Variants in UBE2W observed in about 807,000 individuals in gnomAD.
UBE2W encodes ubiquitin conjugating enzyme E2 W.
Under a neutral mutation model 27.2 loss-of-function variants are expected in UBE2W, and 18 were observed. That is an observed-to-expected ratio of 0.66 (90% CI 0.46 to 0.98). The LOEUF is 0.98. Ranked by LOEUF, UBE2W falls within the 50% of genes least tolerant of loss-of-function variation. The pLI is 0.00. For missense variants in UBE2W, 90 were observed against 180.2 expected (o/e 0.50, Z 2.87); for synonymous variants, 53 against 57.2 (o/e 0.93, Z 0.33).
At chr8:73,797,848 G>A (rs921233934) in intron 5 of UBE2W, among the ~76,000 whole-genome samples, 47 of 152,142 alleles carry the variant, frequency 3.1e-4, no homozygotes, top group African/African-American at 1.1e-3. Context: ...CAACAAACAG[G>A]AGCCTTAAGT....
At chr8:73,799,010 C>G (rs1808532505) in intron 5 of UBE2W, among the ~76,000 whole-genome samples, 1 of 151,996 alleles carries the variant, frequency 6.6e-6, no homozygotes, top group Non-Finnish European at 1.5e-5. Context: ...ACTGCCTTAA[C>G]TGGCAATGAA....
chr8:73,847,004 C>T (rs1204567354), intron 1 of UBE2W, among the ~76,000 whole-genome samples: 3 of 152,088 alleles, frequency 2.0e-5, no homozygotes, highest in African/African-American at 4.8e-5. Flanking sequence ...CCCATTTCTA[C>T]TAAAAATACA....
At chr8:73,818,462 G>A (rs764197050) in intron 3 of UBE2W, among the ~76,000 whole-genome samples, 5 of 152,052 alleles carry the variant, frequency 3.3e-5, no homozygotes, top group African/African-American at 7.2e-5. Flanking sequence ...GGACTATATC[G>A]TTCCTCTGCT....
intron 1 of UBE2W, among the ~76,000 whole-genome samples, chr8:73,873,052 C>A (rs1015750792): frequency 6.6e-6 from 1 of 151,970 alleles, no homozygotes; most frequent in South Asian, 2.1e-4. Context: ...ATTACAGATG[C>A]GCTCTACCAC....
At chr8:73,808,224 T>G (rs1809001354) in intron 4 of UBE2W, among the ~76,000 whole-genome samples, 1 of 151,864 alleles carries the variant, frequency 6.6e-6, no homozygotes, top group Non-Finnish European at 1.5e-5. Flanking sequence ...TGTAGATGGG[T>G]ATTTAAAATA....
Position 73,788,405 on chromosome 8 carries a change from G to A in UBE2W, c.*5697C>T, listed in dbSNP as rs1808052028. On this transcript the variant is annotated 3_prime_UTR_variant, in exon 6 of 6. Transcript: ENST00000602593. ...AGTTCTGAATAATAAAAGGAAAATGGCACCAACTAAAACAAACAAATTCAT... is the reference window on the plus strand; with the variant it reads ...AGTTCTGAATAATAAAAGGAAAATGACACCAACTAAAACAAACAAATTCAT... 3 of 985,270 alleles carry A rather than the reference G, an allele frequency of 3.0e-6. No homozygotes were observed. The highest frequency in any genetic ancestry group is 3.6e-6 in the Non-Finnish European group (3 of 829,912). 61.0% of individuals were successfully genotyped at this position (985,270 alleles called of 1,614,324 possible). A position where few individuals can be genotyped will look rare whatever the true frequency, so the allele number is the denominator to read the frequency against.
intron 1 of UBE2W, among the ~76,000 whole-genome samples, chr8:73,851,052 T>C (rs567056797): frequency 1.3e-5 from 2 of 152,112 alleles, no homozygotes; most frequent in African/African-American, 4.8e-5. Flanking sequence ...GATTGCGCCA[T>C]GTTGCCCAGG....
chr8:73,870,340 A>C (rs1168492390), intron 1 of UBE2W: 1 of 1,551,346 alleles, frequency 6.4e-7, no homozygotes, highest in African/African-American at 1.4e-5. Flanking sequence ...ACACATGGTC[A>C]TAAAGGAAAT....
intron 1 of UBE2W, among the ~76,000 whole-genome samples, chr8:73,865,128 A>G (rs1811693317): frequency 7.6e-6 from 1 of 132,142 alleles, no homozygotes; most frequent in African/African-American, 2.8e-5. Context: ...CTCAGCTGGG[A>G]GTGTGTGCAT....
intron 1 of UBE2W, among the ~76,000 whole-genome samples, chr8:73,859,608 T>C (rs1421318392): frequency 1.3e-5 from 2 of 152,210 alleles, no homozygotes; most frequent in Non-Finnish European, 2.9e-5. Context: ...AAATATGTGT[T>C]AATCAACTGT....
chr8:73,840,120 G>A (rs142753995), intron 1 of UBE2W, among the ~76,000 whole-genome samples: 3,246 of 151,550 alleles, frequency 0.021, 120 homozygotes, highest in African/African-American at 0.075. Flanking sequence ...GCAGTGGTGC[G>A]ATCTCGGCTC....
downstream of UBE2W, among the ~76,000 whole-genome samples, chr8:73,783,675 C>A (rs1807884226): frequency 6.6e-6 from 1 of 152,222 alleles, no homozygotes. Flanking sequence ...ATTCTCCAGA[C>A]TACAGCCAAG....
At chr8:73,804,217 C>T (rs372589911) in intron 5 of UBE2W, among the ~76,000 whole-genome samples, 19 of 150,284 alleles carry the variant, frequency 1.3e-4, no homozygotes, top group South Asian at 4.2e-4. Flanking sequence ...ATAGAAGATA[C>T]GGGGAGAAGG....
intron 1 of UBE2W, 32 bp downstream of exon 1, chr8:73,878,776 T>C (rs1053548282): frequency 6.5e-7 from 1 of 1,531,276 alleles, no homozygotes. Context: ...GGCGGCTCCC[T>C]GGCCCGCCCA....
At chr8:73,811,624 T>C (rs1285481774) in intron 3 of UBE2W, among the ~76,000 whole-genome samples, 5 of 152,124 alleles carry the variant, frequency 3.3e-5, no homozygotes, top group African/African-American at 9.6e-5. Context: ...CAAATTCAAG[T>C]GTCCTGCTTT....
At chr8:73,786,183 G>T, downstream of UBE2W, 11 of 976,286 alleles carry the variant, frequency 1.1e-5, no homozygotes, top group Non-Finnish European at 1.3e-5. Context: ...CAGAGATAAA[G>T]ATATGAGAAA....
chr8:73,849,930 A>C (rs935227894), intron 1 of UBE2W, among the ~76,000 whole-genome samples: 3 of 152,170 alleles, frequency 2.0e-5, no homozygotes, highest in Non-Finnish European at 2.9e-5. Context: ...AGATAGAATA[A>C]CTATATAATG....
chr8:73,797,174 A>G (rs540754450), intron 5 of UBE2W, among the ~76,000 whole-genome samples: 12 of 152,324 alleles, frequency 7.9e-5, no homozygotes, highest in Admixed American at 6.5e-5. Context: ...AATGTAAATG[A>G]GAAAGAACTA....
intron 1 of UBE2W, among the ~76,000 whole-genome samples, chr8:73,867,491 C>T (rs1002142985): frequency 2.0e-5 from 3 of 151,310 alleles, no homozygotes; most frequent in Admixed American, 6.6e-5. Flanking sequence ...GCCGAGATCA[C>T]GCCACTGCAC....
Sources: allele counts gnomAD v4.1 joint callset (sites outside exome capture counted in the v4.1 genomes callset), GRCh38; gene constraint gnomAD v4.1.1; transcripts MANE v1.5; gene names NCBI Gene and HGNC (gene_info 2026-07-23, HGNC 2026-07-21).